Variants in CREBRF observed in about 807,000 individuals in gnomAD.
CREBRF encodes the protein UPF0474 protein C5orf41.
CREBRF carries 5 observed loss-of-function variants against 66.1 expected under a neutral mutation model. The observed-to-expected ratio is 0.08, with a 90% CI of 0.04 to 0.16. The LOEUF is 0.16. Ranked by LOEUF, CREBRF falls within the 10% of genes least tolerant of loss-of-function variation. CREBRF has a pLI of 1.00. For missense variants in CREBRF, 531 were observed against 744.9 expected, an observed-to-expected ratio of 0.71 and a Z score of 3.34; for synonymous variants, 229 against 264.4, an observed-to-expected ratio of 0.87 and a Z score of 1.30.
chr5:173,118,635 T>G (rs1168001318), intron 7 of CREBRF, among the ~76,000 whole-genome samples: 1 of 152,172 alleles, frequency 6.6e-6, no homozygotes. Context: ...TTTGCACCTT[T>G]GTTCAGTCAA....
chr5:173,077,348 C>T (rs1757796440), intron 1 of CREBRF, among the ~76,000 whole-genome samples: 1 of 152,138 alleles, frequency 6.6e-6, no homozygotes, highest in Non-Finnish European at 1.5e-5. Flanking sequence ...AATTTTATGG[C>T]ATTAAGTACA....
At chr5:173,127,905 G>A (rs1383053929) in intron 8 of CREBRF, among the ~76,000 whole-genome samples, 2 of 151,982 alleles carry the variant, frequency 1.3e-5, no homozygotes, top group African/African-American at 4.8e-5. Context: ...TTTGATTTTT[G>A]ATTTCTTCTA....
Position 173,080,778 on chromosome 5 carries a change from G to GC in CREBRF, c.5dup (p.Gln3SerfsTer3). The GC allele has an allele frequency of 6.2e-7, 1 of 1,613,594 alleles. No individual in the cohort carries two copies. The highest frequency in any genetic ancestry group is 8.5e-7 in the Non-Finnish European group (1 of 1,179,682). On this transcript the variant is annotated frameshift_variant, in exon 2 of 9. Coordinates refer to ENST00000296953, the MANE Select transcript of CREBRF (RefSeq NM_153607.3). LOFTEE classifies it high-confidence loss of function. The stretch of plus-strand genomic sequence containing the variant: ...ATTCACAGGATCTGGGCTTGGAAAT[G>GC]CCTCAGGTAAATCATACAGAGTAGG...
At position 173,128,679 on chromosome 5, in the gene CREBRF, ATTTG is replaced by A. The variant is rs542675754; in HGVS notation, c.1805-4946_1805-4943del. Among the ~76,000 whole-genome samples, 370 of 151,732 alleles carry A rather than the reference ATTTG, an allele frequency of 2.4e-3. 1 individual carries two copies. Among genetic ancestry groups the A allele is most frequent in the African/African-American group, 6.8e-3 (282 of 41,430 alleles). On this transcript the variant is annotated intron_variant, in intron 8 of 8. Transcript: ENST00000296953. Reference sequence around the variant, plus strand: ...ATCACGAATGCAGCTTTCTTATTATATTTGTTTGGTATTGTTTCTAATCTTATTA... The same window carrying A: ...ATCACGAATGCAGCTTTCTTATTATATTTGGTATTGTTTCTAATCTTATTA...
intron 4 of CREBRF, among the ~76,000 whole-genome samples, chr5:173,105,181 A>G (rs1292542705): frequency 2.6e-5 from 4 of 151,868 alleles, no homozygotes; most frequent in Non-Finnish European, 5.9e-5. Flanking sequence ...TATCTAAGGG[A>G]GTATATCAAA....
At chr5:173,133,041 T>C (rs541340828) in intron 8 of CREBRF, among the ~76,000 whole-genome samples, 1 of 152,366 alleles carries the variant, frequency 6.6e-6, no homozygotes, top group East Asian at 1.9e-4. Flanking sequence ...GGTCTTACTA[T>C]GGAAGATGAG....
At position 173,080,446 on chromosome 5, in the gene CREBRF, T is replaced by C. The variant is rs563782730; in HGVS notation, c.-191-139T>C. The C allele has an allele frequency of 5.7e-4, 162 of 285,538 alleles. 1 individual carries two copies. The highest frequency in any genetic ancestry group is 3.3e-3 in the African/African-American group (154 of 46,332). 17.7% of individuals were successfully genotyped at this position (285,538 alleles called of 1,614,324 possible). ...AAGTATTAAGATATGACCAAATCCT[T>C]GATAACTCAACCATAAGACTTACTC... On this transcript the variant is annotated intron_variant, in intron 1 of 8. Transcript: ENST00000296953.
chr5:173,080,578 T>G lies in CREBRF; in HGVS notation c.-191-7T>G. 3 of 559,014 alleles carry G rather than the reference T, an allele frequency of 5.4e-6. No individual in the cohort carries two copies. The highest frequency in any genetic ancestry group is 5.5e-5 in the South Asian group (2 of 36,688). The allele number at this position is 559,014 out of a possible 1,614,324, so 34.6% of individuals were successfully genotyped here. A position where few individuals can be genotyped will look rare whatever the true frequency, so the allele number is the denominator to read the frequency against. ...ATTCAGTGAAGTTACTTTGTGTTGT[T>G]TGACAGACAGCATCGCACAGAATTA... On this transcript the variant is annotated splice_region_variant and splice_polypyrimidine_tract_variant and intron_variant, in intron 1 of 8. Coordinates refer to ENST00000296953, the MANE Select transcript of CREBRF (RefSeq NM_153607.3).
chr5:173,082,003 GTTTTTTTTTT>G lies in CREBRF; in HGVS notation c.9+1238_9+1247del, dbSNP rs869148787. 7.4e-3 allele frequency among the ~76,000 whole-genome samples: 580 copies of G among 78,066 alleles called. 8 individuals carry two copies. Among genetic ancestry groups the G allele is most frequent in the African/African-American group, 0.026 (532 of 20,422 alleles). The allele number at this position is 78,066 out of a possible 152,430, so 51.2% of individuals were successfully genotyped here. The stretch of plus-strand genomic sequence containing the variant: ...AGAGTGGTTGCCCATTCAAGGTTTA[GTTTTTTTTTT>G]TTTTTTTTTTTTTTTTTTGAGCTGG... On this transcript the variant is annotated intron_variant, in intron 2 of 8. Coordinates refer to ENST00000296953, the MANE Select transcript of CREBRF (RefSeq NM_153607.3).
intron 1 of CREBRF, among the ~76,000 whole-genome samples, chr5:173,074,911 G>A (rs113876096): frequency 3.9e-5 from 6 of 152,234 alleles, no homozygotes; most frequent in African/African-American, 1.4e-4. Flanking sequence ...ATGAGCCACC[G>A]TGCCTGGCCA....
intron 1 of CREBRF, among the ~76,000 whole-genome samples, chr5:173,066,413 C>T (rs1243843097): frequency 6.6e-6 from 1 of 151,998 alleles, no homozygotes; most frequent in Non-Finnish European, 1.5e-5. Flanking sequence ...TCACCTTTTT[C>T]CTAAAGCTTT....
chr5:173,087,128 G>C (rs1257147952), intron 3 of CREBRF, among the ~76,000 whole-genome samples: 1 of 151,976 alleles, frequency 6.6e-6, no homozygotes, highest in Non-Finnish European at 1.5e-5. Context: ...TGCATTTTTA[G>C]TAGGGACAGG....
intron 7 of CREBRF, among the ~76,000 whole-genome samples, chr5:173,117,196 T>C (rs1042565792): frequency 3.3e-5 from 5 of 151,978 alleles, no homozygotes; most frequent in Non-Finnish European, 7.4e-5. Context: ...CTGGCCAACA[T>C]AGTGAAATCC....
At chr5:173,100,131 A>ATAATTTT in intron 4 of CREBRF, among the ~76,000 whole-genome samples, 1 of 42,870 alleles carries the variant, frequency 2.3e-5, no homozygotes, top group African/African-American at 9.6e-5. Context: ...TATATATATA[A>ATAATTTT]TTTTTTTTTT....
chr5:173,122,243 AG>A (rs904577043), intron 7 of CREBRF, among the ~76,000 whole-genome samples: 14 of 152,166 alleles, frequency 9.2e-5, no homozygotes, highest in East Asian at 1.9e-4. Context: ...CTGTGACTAT[AG>A]GCACATGCCA....
In CREBRF at chr5:173,123,220, T is replaced by G. The variant is rs748598774; in HGVS notation, c.1804+18T>G. ...TACTCTCGGTAAGAAGAATGCGAGA[T>G]AAATTCATAACAATTAATAATATGT... On this transcript the variant is annotated intron_variant, in intron 8 of 8. Transcript: ENST00000296953. The G allele has an allele frequency of 6.3e-7, 1 of 1,588,462 alleles. No individual in the cohort carries two copies. The highest frequency in any genetic ancestry group is 8.5e-7 in the Non-Finnish European group (1 of 1,172,374).
intron 4 of CREBRF, 190 bp downstream of exon 4, chr5:173,091,591 A>G (rs1229377600): frequency 1.5e-6 from 2 of 1,344,768 alleles, no homozygotes; most frequent in Non-Finnish European, 1.9e-6. Flanking sequence ...TTTTGCTCAC[A>G]TAGGGATTCA....
At chr5:173,070,948 T>C (rs1213788649) in intron 1 of CREBRF, among the ~76,000 whole-genome samples, 1 of 152,086 alleles carries the variant, frequency 6.6e-6, no homozygotes, top group Non-Finnish European at 1.5e-5. Flanking sequence ...GGCATTGCAT[T>C]TGGCACTGTA....
intron 1 of CREBRF, among the ~76,000 whole-genome samples, chr5:173,072,592 CTTTTTTT>C (rs76691654): frequency 4.4e-4 from 60 of 135,634 alleles, no homozygotes; most frequent in African/African-American, 1.5e-3. Context: ...CTGATTTTTA[CTTTTTTT>C]TTTTTTTTTT....
Sources: allele counts gnomAD v4.1 joint callset (sites outside exome capture counted in the v4.1 genomes callset), GRCh38; gene constraint gnomAD v4.1.1; transcripts MANE v1.5; gene names NCBI Gene and HGNC (gene_info 2026-07-23, HGNC 2026-07-21).